Variants in GALNT13 observed in about 807,000 individuals in gnomAD.
The protein encoded by GALNT13 is UDP-GalNAc:polypeptide N-acetylgalactosaminyltransferase 13.
A neutral mutation model predicts 64.2 loss-of-function variants in GALNT13; 28 were observed. The observed-to-expected ratio is 0.44, with a 90% CI of 0.32 to 0.60. The LOEUF is 0.60. Ranked by LOEUF, GALNT13 falls within the 20% of genes least tolerant of loss-of-function variation. GALNT13 has a pLI of 0.05. For missense variants in GALNT13, 577 were observed against 669.8 expected (o/e 0.86, Z 1.53); for synonymous variants, 214 against 224.6 (o/e 0.95, Z 0.42).
intron 1 of GALNT13, among the ~76,000 whole-genome samples, chr2:153,872,823 C>T (rs1686073728): frequency 1.3e-5 from 2 of 152,120 alleles, no homozygotes; most frequent in Admixed American, 6.5e-5. Flanking sequence ...TCGTATAGTG[C>T]CCCCTTTGCC....
chr2:153,862,447 G>A, the GALNT13 span, among the ~76,000 whole-genome samples: 10 of 152,208 alleles, frequency 6.6e-5, no homozygotes, highest in East Asian at 7.7e-4. Flanking sequence ...TCTTCATGGA[G>A]AGAATAATAC....
intron 9 of GALNT13, among the ~76,000 whole-genome samples, chr2:154,305,896 C>A (rs530056919): frequency 5.3e-5 from 8 of 152,162 alleles, no homozygotes; most frequent in Non-Finnish European, 1.0e-4. Context: ...CAGTGCCTAG[C>A]AACTTTCCTG....
At chr2:154,073,525 A>C (rs1478137247) in intron 3 of GALNT13, among the ~76,000 whole-genome samples, 5 of 151,952 alleles carry the variant, frequency 3.3e-5, no homozygotes, top group Non-Finnish European at 5.9e-5. Flanking sequence ...AGTTATAAAC[A>C]AACGTATTTT....
rs896269192 is a variant in GALNT13, at chr2:153,917,890, G to A, written c.-105+16883G>A. On this transcript the variant is annotated intron_variant, in intron 2 of 12. Coordinates refer to ENST00000392825, the MANE Select transcript of GALNT13 (RefSeq NM_052917.4). ...AAAAAAGAGGCAGAATGTCAATTAG[G>A]CAGTTATCTGTTAATCATGACCACA... 2.9e-3 allele frequency among the ~76,000 whole-genome samples: 11 copies of A among 3,828 alleles called. No homozygotes were observed. In the Non-Finnish European group the frequency reaches 0.04, roughly 14 times the overall value. The allele number at this position is 3,828 out of a possible 152,430, so 2.5% of individuals were successfully genotyped here.
the GALNT13 span, among the ~76,000 whole-genome samples, chr2:153,266,721 TG>T: frequency 6.6e-6 from 1 of 152,060 alleles, no homozygotes; most frequent in Non-Finnish European, 1.5e-5. Context: ...CCTTGACACG[TG>T]GGGATTATGG....
At chr2:153,514,003 C>T in the GALNT13 span, among the ~76,000 whole-genome samples, 1 of 152,122 alleles carries the variant, frequency 6.6e-6, no homozygotes, top group Non-Finnish European at 1.5e-5. Flanking sequence ...GTCTCAAGCT[C>T]TATTTTCTAG....
chr2:154,064,061 G>A (rs990048857), intron 3 of GALNT13, among the ~76,000 whole-genome samples: 15 of 152,188 alleles, frequency 9.9e-5, no homozygotes, highest in Non-Finnish European at 1.2e-4. Context: ...GGGAGAATCT[G>A]TGTGCTTGCA....
At chr2:153,572,806 C>T in the GALNT13 span, among the ~76,000 whole-genome samples, 14 of 151,576 alleles carry the variant, frequency 9.2e-5, no homozygotes, top group Admixed American at 4.0e-4. Context: ...TCAGAGTAGA[C>T]ACTTGATATT....
chr2:153,706,233 G>T, the GALNT13 span, among the ~76,000 whole-genome samples: 1 of 152,106 alleles, frequency 6.6e-6, no homozygotes, highest in Non-Finnish European at 1.5e-5. Context: ...CTCACCTCGT[G>T]ATCCACCCAC....
chr2:154,074,857 C>T (rs763468299), intron 3 of GALNT13, among the ~76,000 whole-genome samples: 1 of 151,858 alleles, frequency 6.6e-6, no homozygotes, highest in Non-Finnish European at 1.5e-5. Flanking sequence ...AACATCACTT[C>T]ATATTAAAAA....
the GALNT13 span, among the ~76,000 whole-genome samples, chr2:153,313,821 C>T: frequency 7.2e-5 from 11 of 152,194 alleles, no homozygotes; most frequent in South Asian, 4.2e-4. Flanking sequence ...AAAATTACAT[C>T]GGCATTTAGT....
chr2:153,739,999 T>G, the GALNT13 span, among the ~76,000 whole-genome samples: 3 of 152,022 alleles, frequency 2.0e-5, no homozygotes, highest in Non-Finnish European at 4.4e-5. Context: ...ATAAAAATTC[T>G]ATTTCTTCAA....
chr2:154,081,737 G>T (rs181371251), intron 3 of GALNT13, among the ~76,000 whole-genome samples: 21 of 151,714 alleles, frequency 1.4e-4, no homozygotes, highest in Non-Finnish European at 2.5e-4. Context: ...TGCTTTGAAG[G>T]TAGACCATTG....
intron 4 of GALNT13, among the ~76,000 whole-genome samples, chr2:154,224,463 A>G (rs1185690347): frequency 2.0e-5 from 3 of 152,064 alleles, no homozygotes; most frequent in African/African-American, 4.8e-5. Flanking sequence ...AGAAAAAAAC[A>G]TGCTAAAATA....
the GALNT13 span, among the ~76,000 whole-genome samples, chr2:153,154,110 A>T: frequency 6.6e-6 from 1 of 151,764 alleles, no homozygotes; most frequent in Non-Finnish European, 1.5e-5. Context: ...GAGATCTTTT[A>T]CCTCCTGATA....
chr2:153,555,388 G>T, the GALNT13 span, among the ~76,000 whole-genome samples: 2 of 113,504 alleles, frequency 1.8e-5, no homozygotes, highest in African/African-American at 7.0e-5. Context: ...TAGAGACGGG[G>T]TTTCACCGTG....
the GALNT13 span, among the ~76,000 whole-genome samples, chr2:153,688,375 T>C: frequency 6.6e-6 from 1 of 152,024 alleles, no homozygotes; most frequent in East Asian, 1.9e-4. Context: ...GTGTGACTTT[T>C]CCAAGTTATT....
chr2:154,248,870 G>C (rs1242117244), intron 7 of GALNT13, among the ~76,000 whole-genome samples: 1 of 152,126 alleles, frequency 6.6e-6, no homozygotes, highest in Non-Finnish European at 1.5e-5. Context: ...CTCTGCACCT[G>C]TGTCTTGAGG....
chr2:154,318,133 A>G (rs1479937569), intron 9 of GALNT13, among the ~76,000 whole-genome samples: 3 of 152,018 alleles, frequency 2.0e-5, no homozygotes, highest in Non-Finnish European at 1.5e-5. Context: ...ATTTTTTTGG[A>G]AATGTATTTG....
Sources: allele counts gnomAD v4.1 joint callset (sites outside exome capture counted in the v4.1 genomes callset), GRCh38; gene constraint gnomAD v4.1.1; transcripts MANE v1.5; gene names NCBI Gene and HGNC (gene_info 2026-07-23, HGNC 2026-07-21).